RECQL5: variants seen among roughly 807,000 people sequenced by gnomAD.
RECQL5 encodes RecQ like helicase 5.
RECQL5 carries 88 observed loss-of-function variants against 103.4 expected under a neutral mutation model. The observed-to-expected ratio is 0.85, with a 90% CI of 0.72 to 1.02. RECQL5 has a LOEUF of 1.02. Ranked by LOEUF, RECQL5 falls within the 50% of genes least tolerant of loss-of-function variation. The probability of loss-of-function intolerance (pLI) is 0.00; values close to 1 mark genes in which losing one functional copy is unlikely to be tolerated. For synonymous variants in RECQL5, 552 were observed against 507.9 expected (o/e 1.09, Z -1.17); for missense variants, 1,232 against 1,284.3 (o/e 0.96, Z 0.62).
In RECQL5 at chr17:75,650,994, C is replaced by T. The variant is rs2059547988; in HGVS notation, c.1229+192G>A. Reference sequence around the variant, plus strand: ...GAATACTGAGCAAATCCCCACACTGCGAGAGATCCCGGGGCCTCCAATAGA... The same window carrying T: ...GAATACTGAGCAAATCCCCACACTGTGAGAGATCCCGGGGCCTCCAATAGA... On this transcript the variant is annotated intron_variant, in intron 8 of 19. Coordinates refer to ENST00000317905, the MANE Select transcript of RECQL5 (RefSeq NM_004259.7). The T allele has an allele frequency of 1.2e-5, 18 of 1,506,034 alleles. No homozygotes were observed. In the South Asian group the frequency reaches 1.5e-4, roughly 12 times the overall value. The allele number at this position is 1,506,034 out of a possible 1,614,324, so 93.3% of individuals were successfully genotyped here. A position where few individuals can be genotyped will look rare whatever the true frequency, so the allele number is the denominator to read the frequency against.
At chr17:75,653,115 G>C (rs911477953) in intron 7 of RECQL5, among the ~76,000 whole-genome samples, 2 of 152,220 alleles carry the variant, frequency 1.3e-5, no homozygotes, top group African/African-American at 4.8e-5. Flanking sequence ...TCAATCCGCA[G>C]ACACTCATCA....
At chr17:75,633,948 C>T (rs994146587) in intron 8 of RECQL5, 5 of 985,574 alleles carry the variant, frequency 5.1e-6, no homozygotes, top group South Asian at 9.4e-5. Flanking sequence ...GGTGAGGCAC[C>T]GGGACATGAA....
At position 75,660,903 on chromosome 17, in the gene RECQL5, C is replaced by G. The variant is rs1203219298; in HGVS notation, c.986+52G>C. 5 of 1,362,546 alleles carry G rather than the reference C, an allele frequency of 3.7e-6. No homozygotes were observed. In the Admixed American group the frequency reaches 8.4e-5, roughly 23 times the overall value. The allele number at this position is 1,362,546 out of a possible 1,614,324, so 84.4% of individuals were successfully genotyped here. A position where few individuals can be genotyped will look rare whatever the true frequency, so the allele number is the denominator to read the frequency against. On this transcript the variant is annotated intron_variant, in intron 6 of 19. Coordinates refer to ENST00000317905, the MANE Select transcript of RECQL5 (RefSeq NM_004259.7). Reference sequence around the variant, plus strand: ...TCCTTTGGGCACAGCACTAGGCAATCCACCCTGAGCCAGGCCCAGACCAGG... The same window carrying G: ...TCCTTTGGGCACAGCACTAGGCAATGCACCCTGAGCCAGGCCCAGACCAGG...
intron 7 of RECQL5, 130 bp from the exon 8 acceptor site, chr17:75,651,395 G>T: frequency 9.6e-7 from 1 of 1,039,546 alleles, no homozygotes; most frequent in Non-Finnish European, 1.5e-6. Context: ...GCTGAGCCAG[G>T]AGGATCATTT....
rs370862975 is a variant in RECQL5 at position 75,662,550 on chromosome 17, G to A, written c.700C>T (p.Leu234=). ...AGGTTCCCATAGGGATCAGAAATCA[G>A]TTCCTTGAATTGCACATCATAGAAG... is the stretch of plus-strand genomic sequence containing the variant. ...NLFYDVQFKE[L]ISDPYGNLKD... The change falls in exon 4 of 20, where the codon CTG becomes TTG. Residue 234 remains leucine, a synonymous_variant. Coordinates refer to ENST00000317905, the MANE Select transcript of RECQL5 (RefSeq NM_004259.7). The A allele has an allele frequency of 1.1e-4, 184 of 1,614,084 alleles. No homozygotes were observed. The highest frequency in any genetic ancestry group is 1.3e-4 in the Non-Finnish European group (155 of 1,180,046).
intron 6 of RECQL5, among the ~76,000 whole-genome samples, chr17:75,658,975 A>C (rs560630841): frequency 1.3e-5 from 2 of 152,336 alleles, no homozygotes; most frequent in Middle Eastern, 3.4e-3. Flanking sequence ...GCAGAGCTAG[A>C]ATTTGGGCCT....
chr17:75,627,704 A>C lies in RECQL5; in HGVS notation c.2806-12T>G, dbSNP rs2059122948. On this transcript the variant is annotated splice_polypyrimidine_tract_variant and intron_variant, in intron 18 of 19. Coordinates refer to ENST00000317905, the MANE Select transcript of RECQL5 (RefSeq NM_004259.7). ...CCTTTAAACAACTCCTGGAAGGGAG[A>C]GGGAGAAGAGAAGCAGAGAGCAGGA... 1.3e-6 allele frequency: 2 copies of C among 1,596,216 alleles called. No homozygotes were observed. Among genetic ancestry groups the C allele is most frequent in the Non-Finnish European group, 1.7e-6 (2 of 1,170,758 alleles).
Position 75,667,108 on chromosome 17 carries a change from C to G in RECQL5, c.-79G>C. 3 of 492,722 alleles carry G rather than the reference C, an allele frequency of 6.1e-6. No homozygotes were observed. Among genetic ancestry groups the G allele is most frequent in the Non-Finnish European group, 1.1e-5 (3 of 274,248 alleles). The allele number at this position is 492,722 out of a possible 1,614,324, so 30.5% of individuals were successfully genotyped here. ...GGCTGGTTCCGGAACTGTTCGAAGA[C>G]CCCTATACACAACCCCAACTCAGAG... On this transcript the variant is annotated 5_prime_UTR_variant, in exon 1 of 20. Transcript: ENST00000317905.
At position 75,631,462 on chromosome 17, in the gene RECQL5, C is replaced by T. The variant is rs755059039; in HGVS notation, c.1436G>A (p.Gly479Glu). 1.9e-6 allele frequency: 3 copies of T among 1,611,544 alleles called. No individual in the cohort carries two copies. Among genetic ancestry groups the T allele is most frequent in the Admixed American group, 3.3e-5 (2 of 59,984 alleles). Reference sequence around the variant, plus strand: ...CTCGGCCCCTTACCTGCTGAAGTCCCCGTAGCCCTTGCGGCCTCCCTCATA... The same window carrying T: ...CTCGGCCCCTTACCTGCTGAAGTCCTCGTAGCCCTTGCGGCCTCCCTCATA... The part of the protein sequence containing the change: ...ELYEGGRKGY[G>E]DFSRYDEGSG... The change falls in exon 9 of 20, where the codon GGG becomes GAG. Residue 479 changes from glycine (G) to glutamate (E), a missense_variant. Coordinates refer to ENST00000317905, the MANE Select transcript of RECQL5 (RefSeq NM_004259.7).
rs917329425 is a variant in RECQL5 at position 75,640,355 on chromosome 17, G to A, written c.1230-8687C>T. 3 of 1,518,254 alleles carry A rather than the reference G, an allele frequency of 2.0e-6. No homozygotes were observed. The Admixed American group carries it at 6.4e-5, about 32-fold the overall frequency. The allele number at this position is 1,518,254 out of a possible 1,614,324, so 94.0% of individuals were successfully genotyped here. ...TTAGTTGGGGCACTCAGCACCCCAT[G>A]GCTCTCCCTGGCATCTGGGAGAGAC... On this transcript the variant is annotated intron_variant, in intron 8 of 19. Transcript: ENST00000317905. This position sits in a 1 kb window ranked among gnomAD's most constrained non-coding sequence, Gnocchi z 4.6.
chr17:75,660,488 T>G (rs948919590), intron 6 of RECQL5, among the ~76,000 whole-genome samples: 1 of 152,238 alleles, frequency 6.6e-6, no homozygotes, highest in African/African-American at 2.4e-5. Context: ...GCTGTAAACA[T>G]GTATCGAGTG....
chr17:75,634,952 A>C (rs1010204157), intron 8 of RECQL5, among the ~76,000 whole-genome samples: 2 of 152,016 alleles, frequency 1.3e-5, no homozygotes, highest in Non-Finnish European at 2.9e-5. Flanking sequence ...ACCCCTAAGG[A>C]AGCAGGACCC....
intron 3 of RECQL5, among the ~76,000 whole-genome samples, chr17:75,664,157 C>T (rs2059737441): frequency 6.6e-6 from 1 of 152,106 alleles, no homozygotes; most frequent in African/African-American, 2.4e-5. Context: ...ACTGTAGTTC[C>T]CTCTCTACCT....
At chr17:75,635,749 A>G in intron 8 of RECQL5, 4 of 980,962 alleles carry the variant, frequency 4.1e-6, no homozygotes, top group Non-Finnish European at 4.8e-6. Flanking sequence ...ACCCACCATG[A>G]CGAAACAACA....
Position 75,662,697 on chromosome 17 carries a change from G to A in RECQL5, c.553C>T (p.His185Tyr), listed in dbSNP as rs1202340850. The change falls in exon 4 of 20, where the codon CAT becomes TAT. Residue 185 changes from histidine to tyrosine, a missense_variant. Coordinates refer to ENST00000317905, the MANE Select transcript of RECQL5 (RefSeq NM_004259.7). ...GCGGTCAGAGCCACACAAGGGGCATGTCCCAGGCGGGAGCGCAGGGCACCC... is the reference window on the plus strand; with the variant it reads ...GCGGTCAGAGCCACACAAGGGGCATATCCCAGGCGGGAGCGCAGGGCACCC... The part of the protein sequence containing the change: ...RLGALRSRLG[H>Y]APCVALTATA... 1 of 1,613,966 alleles carries A rather than the reference G, an allele frequency of 6.2e-7. No homozygotes were observed. The highest frequency in any genetic ancestry group is 1.3e-5 in the African/African-American group (1 of 74,940).
At chr17:75,629,641 C>T (rs2059169182) in intron 15 of RECQL5, 67 bp downstream of exon 15, 5 of 1,544,418 alleles carry the variant, frequency 3.2e-6, no homozygotes, top group Admixed American at 1.9e-5. Context: ...AGGTGCACCC[C>T]TGAGGGCAGA....
At chr17:75,647,641 G>A (rs1411831402) in intron 8 of RECQL5, 12 of 1,440,976 alleles carry the variant, frequency 8.3e-6, no homozygotes, top group Admixed American at 4.1e-5. Context: ...GGGCCCCTTC[G>A]CGGTTCCCTC....
At position 75,662,890 on chromosome 17, in the gene RECQL5, C is replaced by T. The variant is rs2059718019; in HGVS notation, c.360G>A (p.Lys120=). The T allele has an allele frequency of 6.2e-7, 1 of 1,614,102 alleles. No individual in the cohort carries two copies. Among genetic ancestry groups the T allele is most frequent in the Non-Finnish European group, 8.5e-7 (1 of 1,180,030 alleles). Residue 120 remains lysine, a synonymous_variant, in exon 4 of 20, where the codon AAG becomes AAA. Transcript: ENST00000317905. ...KELLADLERE[K]PQTKILYITP... is the part of the protein sequence containing the mutation. ...TGATGTACAGAATCTTGGTCTGGGG[C>T]TTTTCTCGCTCCAGGTCAGCAAGCA...
intron 18 of RECQL5, among the ~76,000 whole-genome samples, chr17:75,627,897 T>C (rs2059128685): frequency 6.6e-6 from 1 of 151,728 alleles, no homozygotes; most frequent in South Asian, 2.1e-4. Context: ...CGGGTGCCTG[T>C]AGTCCCAGCT....
Sources: gnomAD v4.1 joint callset for allele counts (sites outside exome capture counted in the v4.1 genomes callset) on GRCh38, gnomAD v4.1.1 for gene constraint, Gnocchi (gnomAD v3.1) non-coding constraint, MANE v1.5 for transcripts, NCBI Gene and HGNC (gene_info 2026-07-23, HGNC 2026-07-21) for gene names.